The following COL21A1 variants were observed in gnomAD, a reference collection of about 807,000 sequenced individuals.
COL21A1 encodes collagen alpha-1(XXI) chain.
In COL21A1, 149 loss-of-function variants were observed where a neutral mutation model predicts 137.9. The ratio of observed to expected loss-of-function variants is 1.08; its 90% CI spans 0.95 to 1.24. The LOEUF is 1.24. Among genes scored for constraint, COL21A1 ranks in the 50% most tolerant of loss-of-function variants. COL21A1 has a pLI of 0.00. For missense variants in COL21A1, 1,167 were observed against 1,158.4 expected, an observed-to-expected ratio of 1.01 and a Z score of -0.11; for synonymous variants, 456 against 391.5, an observed-to-expected ratio of 1.16 and a Z score of -1.95.
At chr6:56,060,481 T>G in intron 27 of COL21A1, 1 of 481,716 alleles carries the variant, frequency 2.1e-6, no homozygotes, top group Non-Finnish European at 3.6e-6. Flanking sequence ...TTCATATTTA[T>G]GAACTAAATT....
chr6:56,240,347 C>A (rs1486642219), intron 1 of COL21A1, among the ~76,000 whole-genome samples: 1 of 152,128 alleles, frequency 6.6e-6, no homozygotes, highest in African/African-American at 2.4e-5. Context: ...GAGGCGCCAC[C>A]CTGGAAGCAG....
chr6:56,215,798 A>G (rs1391637484), intron 1 of COL21A1, among the ~76,000 whole-genome samples: 1 of 152,098 alleles, frequency 6.6e-6, no homozygotes, highest in Admixed American at 6.6e-5. Context: ...GCACGAGTGG[A>G]AAAACAAGTG....
At chr6:56,304,005 G>A (rs913764972) in intron 1 of COL21A1, among the ~76,000 whole-genome samples, 17 of 151,988 alleles carry the variant, frequency 1.1e-4, no homozygotes, top group African/African-American at 2.2e-4. Context: ...GGTTTTTGTC[G>A]TTGGTTCTGT....
At chr6:56,071,548 C>T (rs888053586) in intron 20 of COL21A1, among the ~76,000 whole-genome samples, 3 of 151,538 alleles carry the variant, frequency 2.0e-5, no homozygotes, top group African/African-American at 7.3e-5. Context: ...TACCCACAAC[C>T]AACTTGGGTT....
intron 17 of COL21A1, among the ~76,000 whole-genome samples, chr6:56,092,350 A>T (rs1316075510): frequency 1.3e-5 from 2 of 152,166 alleles, no homozygotes; most frequent in African/African-American, 2.4e-5. Flanking sequence ...ATCCATGCAG[A>T]TCCTTTTTTA....
rs1561893407 is a variant in COL21A1 at position 56,126,109 on chromosome 6, A to G, written c.1583T>C (p.Met528Thr). ...GLPGFPGLHG[M>T]PGSKGEMGAK... ...GATTTCTTCAACCTTTGATCCTGGC[A>G]TGCCATGAAGCCCAGGAAAACCAGG... The change falls in exon 13 of 30, where the codon ATG becomes ACG. Residue 528 changes from methionine to threonine, a missense_variant. Met to Thr is a moderately conservative substitution (Grantham distance 81, BLOSUM62 -1). Transcript: ENST00000244728. The G allele has an allele frequency of 3.2e-6, 5 of 1,547,042 alleles. No individual in the cohort carries two copies. The highest frequency in any genetic ancestry group is 1.2e-5 in the South Asian group (1 of 82,818).
intron 1 of COL21A1, among the ~76,000 whole-genome samples, chr6:56,268,084 C>T (rs541347753): frequency 9.9e-5 from 15 of 152,224 alleles, no homozygotes; most frequent in African/African-American, 1.7e-4. Flanking sequence ...AAAGCTACAG[C>T]GCTGAGCTGG....
At chr6:56,303,720 T>C (rs1259466456) in intron 1 of COL21A1, among the ~76,000 whole-genome samples, 2 of 152,198 alleles carry the variant, frequency 1.3e-5, no homozygotes. Flanking sequence ...GAATACCCTT[T>C]ATTTCCTTCT....
chr6:56,392,262 T>C (rs1397128821), intron 1 of COL21A1, among the ~76,000 whole-genome samples: 2 of 152,122 alleles, frequency 1.3e-5, no homozygotes, highest in South Asian at 2.1e-4. Context: ...ATCATTTCAA[T>C]TGATGACAAA....
At chr6:56,142,464 A>C (rs891238189) in intron 10 of COL21A1, among the ~76,000 whole-genome samples, 1 of 152,168 alleles carries the variant, frequency 6.6e-6, no homozygotes, top group African/African-American at 2.4e-5. Flanking sequence ...TGCTGATGTT[A>C]AATGTAAGAA....
chr6:56,268,818 G>A (rs1763455651), intron 1 of COL21A1, among the ~76,000 whole-genome samples: 1 of 152,170 alleles, frequency 6.6e-6, no homozygotes, highest in African/African-American at 2.4e-5. Flanking sequence ...TCAGAATCTG[G>A]ATGGCAAGGA....
intron 1 of COL21A1, among the ~76,000 whole-genome samples, chr6:56,204,189 C>T (rs960801930): frequency 6.6e-6 from 1 of 152,128 alleles, no homozygotes; most frequent in Non-Finnish European, 1.5e-5. Context: ...TGGTCTAGCT[C>T]CGTGGGTCGC....
At chr6:56,336,918 A>G (rs1387507092) in intron 1 of COL21A1, among the ~76,000 whole-genome samples, 1 of 152,186 alleles carries the variant, frequency 6.6e-6, no homozygotes, top group Non-Finnish European at 1.5e-5. Context: ...TGGCAAAACC[A>G]ATATGGGCAC....
At chr6:56,107,815 G>A in intron 16 of COL21A1, among the ~76,000 whole-genome samples, 1 of 152,084 alleles carries the variant, frequency 6.6e-6, no homozygotes, top group East Asian at 1.9e-4. Flanking sequence ...GTGGAATATT[G>A]GTAAAGGTGC....
chr6:56,260,995 T>C (rs1296125554), intron 1 of COL21A1, among the ~76,000 whole-genome samples: 1 of 152,036 alleles, frequency 6.6e-6, no homozygotes, highest in African/African-American at 2.4e-5. Context: ...ATATATTTAT[T>C]TGAAAGACAA....
At chr6:56,237,982 C>T (rs1925153) in intron 1 of COL21A1, among the ~76,000 whole-genome samples, 70,625 of 151,884 alleles carry the variant, frequency 0.46, 17,000 homozygotes, top group African/African-American at 0.58. Flanking sequence ...TAATAGACTA[C>T]GTGGTTAGTC....
chr6:56,377,714 C>T (rs1461878790), intron 1 of COL21A1, among the ~76,000 whole-genome samples: 1 of 152,094 alleles, frequency 6.6e-6, no homozygotes, highest in Non-Finnish European at 1.5e-5. Context: ...TGAGGAGGCA[C>T]ACAACCTACT....
At chr6:56,296,281 A>T (rs1182073427) in intron 1 of COL21A1, among the ~76,000 whole-genome samples, 1 of 152,016 alleles carries the variant, frequency 6.6e-6, no homozygotes, top group African/African-American at 2.4e-5. Flanking sequence ...GAAGATAAGA[A>T]ATGGGCAATC....
At chr6:56,117,584 A>T (rs1772058088) in intron 16 of COL21A1, among the ~76,000 whole-genome samples, 1 of 152,052 alleles carries the variant, frequency 6.6e-6, no homozygotes, top group Non-Finnish European at 1.5e-5. Flanking sequence ...AGACCAAACG[A>T]ATCAAATAGA....
Sources: gnomAD v4.1 joint callset for allele counts (sites outside exome capture counted in the v4.1 genomes callset) on GRCh38, gnomAD v4.1.1 for gene constraint, MANE v1.5 for transcripts, NCBI Gene and HGNC (gene_info 2026-07-23, HGNC 2026-07-21) for gene names.